HOXA3: variants seen among roughly 807,000 people sequenced by gnomAD.
HOXA3 encodes the protein homeobox protein Hox-A3.
In HOXA3, 8 loss-of-function variants were observed where a neutral mutation model predicts 30.3. The ratio of observed to expected loss-of-function variants is 0.26; its 90% CI spans 0.15 to 0.48. HOXA3 has a LOEUF of 0.48. Among genes scored for constraint, HOXA3 ranks in the 20% least tolerant of loss-of-function variants. The probability of loss-of-function intolerance (pLI) is 0.99; values close to 1 mark genes in which losing one functional copy is unlikely to be tolerated. For synonymous variants in HOXA3, 323 were observed against 273.1 expected (o/e 1.18, Z -1.80); for missense variants, 653 against 614.4 (o/e 1.06, Z -0.66).
chr7:27,143,921 C>T (rs1782664659), intron 1 of HOXA3, among the ~76,000 whole-genome samples: 1 of 152,344 alleles, frequency 6.6e-6, no homozygotes, highest in East Asian at 1.9e-4. Flanking sequence ...CGAGCGCCAC[C>T]CGCTGGAGGC....
chr7:27,130,212 C>G, intron 2 of HOXA3: 3 of 1,528,032 alleles, frequency 2.0e-6, no homozygotes, highest in Non-Finnish European at 2.6e-6. Flanking sequence ...GCAGCGGGCA[C>G]GCGGGGGCGC....
In HOXA3 at chr7:27,113,624, CCTTAA is replaced by C. The variant is rs1489787135; in HGVS notation, c.-120-2869_-120-2865del. The C allele has an allele frequency of 2.0e-5, 3 of 152,280 alleles. No homozygotes were observed. Among genetic ancestry groups the C allele is most frequent in the African/African-American group, 7.2e-5 (3 of 41,458 alleles). 9.4% of individuals were successfully genotyped at this position (152,280 alleles called of 1,614,324 possible). A position where few individuals can be genotyped will look rare whatever the true frequency, so the allele number is the denominator to read the frequency against. The stretch of plus-strand genomic sequence containing the variant: ...GAGCGGCCGGTTGCGGCCCTGCTTA[CCTTAA>C]CTTCTGACGAGCGCAGGCTCGGGCT... On this transcript the variant is annotated intron_variant, in intron 4 of 5. Transcript: ENST00000612286. This position sits in a 1 kb window ranked among gnomAD's most constrained non-coding sequence, Gnocchi z 4.8.
At chr7:27,130,822 C>T in intron 2 of HOXA3, 1 of 1,325,416 alleles carries the variant, frequency 7.5e-7, no homozygotes. Context: ...GCCTCGCTTC[C>T]CATCCCCCTT....
At chr7:27,138,145 C>T (rs1785769708) in intron 2 of HOXA3, among the ~76,000 whole-genome samples, 4 of 152,276 alleles carry the variant, frequency 2.6e-5, no homozygotes, top group African/African-American at 9.6e-5. Flanking sequence ...AGTTTATATC[C>T]TTGTTCCCAC....
chr7:27,144,080 G>A (rs1467507610), intron 1 of HOXA3, among the ~76,000 whole-genome samples: 1 of 152,224 alleles, frequency 6.6e-6, no homozygotes, highest in Admixed American at 6.5e-5. Flanking sequence ...TCGCGCGCCC[G>A]GCGAGGATGC....
intron 2 of HOXA3, chr7:27,129,973 T>A (rs959652511): frequency 2.9e-5 from 26 of 902,956 alleles, no homozygotes; most frequent in Non-Finnish European, 4.4e-5. Flanking sequence ...GGCGCGCACA[T>A]ACCCACATCT....
intron 2 of HOXA3, among the ~76,000 whole-genome samples, 183 bp from the exon 3 acceptor site, chr7:27,127,253 G>A (rs1158910353): frequency 1.3e-5 from 2 of 152,196 alleles, no homozygotes; most frequent in Non-Finnish European, 1.5e-5. Flanking sequence ...CTTATAAAAT[G>A]CACTTTATGC....
At chr7:27,150,642 GT>G in intron 1 of HOXA3, 1 of 152,470 alleles carries the variant, frequency 6.6e-6, no homozygotes, top group Non-Finnish European at 1.5e-5. Context: ...AAGCCAGAGT[GT>G]TCCCTGAACC....
At chr7:27,139,654 G>A (rs980665229) in intron 2 of HOXA3, among the ~76,000 whole-genome samples, 5 of 152,042 alleles carry the variant, frequency 3.3e-5, no homozygotes, top group African/African-American at 1.2e-4. Flanking sequence ...GCCCGCGGCC[G>A]GCGCCCCACT....
chr7:27,145,463 T>G, intron 1 of HOXA3: 7 of 671,310 alleles, frequency 1.0e-5, no homozygotes, highest in Non-Finnish European at 1.2e-5. Flanking sequence ...TTTTGTTTTG[T>G]TTTGTTTTGT....
intron 1 of HOXA3, chr7:27,141,790 C>A (rs555485879): frequency 6.3e-7 from 1 of 1,597,086 alleles, no homozygotes; most frequent in South Asian, 1.1e-5. Flanking sequence ...ACTGACACTA[C>A]GCGGGATCCG....
intron 4 of HOXA3, among the ~76,000 whole-genome samples, chr7:27,118,391 GTA>G (rs200604354): frequency 0.011 from 1,723 of 152,354 alleles, 20 homozygotes; most frequent in Middle Eastern, 0.031. Context: ...ATAATGCGCT[GTA>G]TTATGTGCTC....
intron 1 of HOXA3, chr7:27,150,609 G>A (rs2128064444): frequency 6.6e-6 from 1 of 152,584 alleles, no homozygotes; most frequent in Non-Finnish European, 1.5e-5. Flanking sequence ...ACTACAGGTA[G>A]TCTCTCCGAT....
intron 3 of HOXA3, chr7:27,123,678 C>T (rs1785147546): frequency 6.6e-6 from 1 of 152,582 alleles, no homozygotes; most frequent in Admixed American, 6.5e-5. Flanking sequence ...CAGCCCTCCG[C>T]TGTCTGTCTG....
chr7:27,114,674 A>G (rs879423174), intron 4 of HOXA3, among the ~76,000 whole-genome samples: 58 of 145,986 alleles, frequency 4.0e-4, no homozygotes, highest in Admixed American at 1.3e-3. Flanking sequence ...TGCCCATTTC[A>G]GAGTGCAGAC....
chr7:27,122,553 G>A lies in HOXA3; in HGVS notation c.-121+6C>T, dbSNP rs1190234248. The A allele has an allele frequency of 1.3e-5, 2 of 152,208 alleles. No homozygotes were observed. Among genetic ancestry groups the A allele is most frequent in the African/African-American group, 4.8e-5 (2 of 41,446 alleles). 9.4% of individuals were successfully genotyped at this position (152,208 alleles called of 1,614,324 possible). On this transcript the variant is annotated splice_donor_region_variant and intron_variant, in intron 4 of 5. Transcript: ENST00000612286. ...ACGCGGCGAAGAGTTTTGGAGCAGCGCTTACCTAGAAAGATGTTTAAATTC... is the reference window on the plus strand; with the variant it reads ...ACGCGGCGAAGAGTTTTGGAGCAGCACTTACCTAGAAAGATGTTTAAATTC...
intron 1 of HOXA3, among the ~76,000 whole-genome samples, chr7:27,148,056 A>T (rs978073688): frequency 2.0e-5 from 3 of 152,216 alleles, no homozygotes; most frequent in African/African-American, 7.2e-5. Flanking sequence ...AGCGGCGGGC[A>T]CGGCCCTTTC....
intron 1 of HOXA3, among the ~76,000 whole-genome samples, chr7:27,144,300 G>T (rs1362412069): frequency 1.3e-5 from 2 of 152,232 alleles, no homozygotes; most frequent in African/African-American, 4.8e-5. Context: ...CGCAGCAGCA[G>T]CAGCTACAAT....
chr7:27,121,784 A>G (rs1180506615), intron 4 of HOXA3: 1 of 152,608 alleles, frequency 6.6e-6, no homozygotes, highest in East Asian at 1.9e-4. Flanking sequence ...CCCCTCCCCC[A>G]AACAGGCATG....
Sources: gnomAD v4.1 joint callset for allele counts (sites outside exome capture counted in the v4.1 genomes callset) on GRCh38, gnomAD v4.1.1 for gene constraint, Gnocchi (gnomAD v3.1) non-coding constraint, MANE v1.5 for transcripts, NCBI Gene and HGNC (gene_info 2026-07-23, HGNC 2026-07-21) for gene names.